AGBL4: variants seen among roughly 807,000 people sequenced by gnomAD.
AGBL4 encodes the protein AGBL carboxypeptidase 4.
A neutral mutation model predicts 66.4 loss-of-function variants in AGBL4; 58 were observed. That is an observed-to-expected ratio of 0.87 (90% CI 0.71 to 1.09). The LOEUF is 1.09. AGBL4 is among the 50% of genes least tolerant of loss of function. The pLI is 0.00. For synonymous variants in AGBL4, 234 were observed against 222.9 expected (o/e 1.05, Z -0.44); for missense variants, 579 against 631.0 (o/e 0.92, Z 0.88).
At chr1:48,699,541 T>C (rs1415937036) in intron 6 of AGBL4, among the ~76,000 whole-genome samples, 1 of 152,196 alleles carries the variant, frequency 6.6e-6, no homozygotes, top group Non-Finnish European at 1.5e-5. Context: ...TCTGTCCATA[T>C]ACATGGCAAG....
At chr1:49,448,489 A>T (rs909233322) in intron 3 of AGBL4, among the ~76,000 whole-genome samples, 1 of 152,200 alleles carries the variant, frequency 6.6e-6, no homozygotes, top group Non-Finnish European at 1.5e-5. Flanking sequence ...TTGCTCTAGC[A>T]TGGATAACTT....
chr1:48,897,014 T>G (rs150301547), intron 5 of AGBL4, among the ~76,000 whole-genome samples: 123 of 152,338 alleles, frequency 8.1e-4, no homozygotes, highest in African/African-American at 2.9e-3. Flanking sequence ...CTTATTAACA[T>G]TGATGCCATT....
At chr1:48,711,823 GC>G (rs1187697110) in intron 6 of AGBL4, among the ~76,000 whole-genome samples, 1 of 151,928 alleles carries the variant, frequency 6.6e-6, no homozygotes, top group Non-Finnish European at 1.5e-5. Flanking sequence ...CCCAGAAGCA[GC>G]ACCCTAACAA....
At chr1:49,854,825 C>T (rs914537241) in intron 1 of AGBL4, among the ~76,000 whole-genome samples, 7 of 152,170 alleles carry the variant, frequency 4.6e-5, no homozygotes, top group Admixed American at 2.0e-4. Flanking sequence ...GCACAGTTCC[C>T]AGAGCCTGAA....
At chr1:49,618,392 C>G (rs1293155995) in intron 3 of AGBL4, among the ~76,000 whole-genome samples, 1 of 131,982 alleles carries the variant, frequency 7.6e-6, no homozygotes, top group Non-Finnish European at 1.8e-5. Context: ...TTCCTGGACA[C>G]AAACACCCTC....
At chr1:48,632,837 G>A (rs977789098) in intron 9 of AGBL4, among the ~76,000 whole-genome samples, 7 of 152,204 alleles carry the variant, frequency 4.6e-5, no homozygotes, top group Admixed American at 2.6e-4. Context: ...GCCTGGGAGG[G>A]CAGAACTCTG....
chr1:48,680,016 C>T (rs1267404380), intron 6 of AGBL4, among the ~76,000 whole-genome samples: 1 of 152,228 alleles, frequency 6.6e-6, no homozygotes, highest in Non-Finnish European at 1.5e-5. Flanking sequence ...AACCACCACA[C>T]TTCTTGGCAC....
At chr1:49,753,034 T>C (rs893762443) in intron 2 of AGBL4, among the ~76,000 whole-genome samples, 7 of 152,224 alleles carry the variant, frequency 4.6e-5, no homozygotes, top group African/African-American at 1.4e-4. Context: ...TTTGCCAGTC[T>C]GTGTCTGTTA....
chr1:49,492,505 C>T (rs377308214), intron 3 of AGBL4, among the ~76,000 whole-genome samples: 25 of 151,940 alleles, frequency 1.6e-4, no homozygotes, highest in East Asian at 5.8e-4. Context: ...GTATTGCTTT[C>T]TAATCAAAAC....
intron 2 of AGBL4, among the ~76,000 whole-genome samples, chr1:49,810,544 G>A (rs1645075652): frequency 6.6e-6 from 1 of 151,776 alleles, no homozygotes; most frequent in South Asian, 2.1e-4. Context: ...TGTTAATAGG[G>A]GGTACTGGAG....
At chr1:49,632,334 G>C (rs1645586752) in intron 3 of AGBL4, among the ~76,000 whole-genome samples, 1 of 152,152 alleles carries the variant, frequency 6.6e-6, no homozygotes, top group Non-Finnish European at 1.5e-5. Context: ...GAAAAATAGA[G>C]GGATTTCACA....
rs1435091614 is a variant in AGBL4, at chr1:49,411,044, G to A, written c.283-165180C>T. On this transcript the variant is annotated intron_variant, in intron 3 of 13. Transcript: ENST00000371839. ...TTAGCTCACACCATCGCAAGGTGAA[G>A]TCCCAAGAAAGGCTGTCTGCAAGGT... 2.0e-5 allele frequency among the ~76,000 whole-genome samples: 3 copies of A among 152,180 alleles called. No homozygotes were observed. In the East Asian group the frequency reaches 5.8e-4, roughly 29 times the overall value.
At chr1:48,732,690 G>T (rs1245077076) in intron 6 of AGBL4, among the ~76,000 whole-genome samples, 1 of 152,134 alleles carries the variant, frequency 6.6e-6, no homozygotes, top group African/African-American at 2.4e-5. Context: ...GGGAAGTGTG[G>T]TATAAGATGA....
At chr1:49,282,490 C>T (rs1293552161) in intron 3 of AGBL4, among the ~76,000 whole-genome samples, 1 of 152,090 alleles carries the variant, frequency 6.6e-6, no homozygotes, top group Non-Finnish European at 1.5e-5. Context: ...GGAGAACTAA[C>T]AAAATATTAA....
At chr1:49,980,232 AT>A (rs1223732956) in intron 1 of AGBL4, among the ~76,000 whole-genome samples, 3 of 151,992 alleles carry the variant, frequency 2.0e-5, no homozygotes, top group African/African-American at 7.3e-5. Context: ...CATAGCAGAA[AT>A]TTTTTATCTT....
chr1:50,012,883 G>A (rs558639624), intron 1 of AGBL4, among the ~76,000 whole-genome samples: 6 of 152,228 alleles, frequency 3.9e-5, no homozygotes, highest in African/African-American at 9.6e-5. Flanking sequence ...TTGAAACCAC[G>A]TTGATCGTAA....
chr1:49,558,929 A>T (rs1397940043), intron 3 of AGBL4, among the ~76,000 whole-genome samples: 2 of 152,020 alleles, frequency 1.3e-5, no homozygotes, highest in Non-Finnish European at 1.5e-5. Context: ...TATAATAGAA[A>T]ACCAGGTAGA....
chr1:49,828,797 G>A (rs908669740), intron 2 of AGBL4, among the ~76,000 whole-genome samples: 2 of 152,074 alleles, frequency 1.3e-5, no homozygotes, highest in South Asian at 2.1e-4. Flanking sequence ...GAGGCCAGCC[G>A]CGGTGGCTCA....
At chr1:49,353,917 G>A (rs1643964247) in intron 3 of AGBL4, among the ~76,000 whole-genome samples, 1 of 152,074 alleles carries the variant, frequency 6.6e-6, no homozygotes. Context: ...ATCCTGCTGA[G>A]AGCCACCTCC....
Sources: allele counts gnomAD v4.1 joint callset (sites outside exome capture counted in the v4.1 genomes callset), GRCh38; gene constraint gnomAD v4.1.1; transcripts MANE v1.5; gene names NCBI Gene and HGNC (gene_info 2026-07-23, HGNC 2026-07-21).